The following KLF12 variants were observed in gnomAD, a reference collection of about 807,000 sequenced individuals.
The protein encoded by KLF12 is KLF transcription factor 12.
Under a neutral mutation model 37.8 loss-of-function variants are expected in KLF12, and 9 were observed. The ratio of observed to expected loss-of-function variants is 0.24; its 90% CI spans 0.14 to 0.42. The LOEUF (loss-of-function observed/expected upper bound fraction) is 0.42, where lower values mean the gene tolerates loss of function less well. Among genes scored for constraint, KLF12 ranks in the 10% least tolerant of loss-of-function variants. KLF12 has a pLI of 1.00. For missense variants in KLF12, 411 were observed against 516.0 expected (o/e 0.80, Z 1.97); for synonymous variants, 208 against 202.1 (o/e 1.03, Z -0.25).
chr13:73,928,014 C>T (rs1319012761), intron 3 of KLF12, among the ~76,000 whole-genome samples: 1 of 151,998 alleles, frequency 6.6e-6, no homozygotes, highest in Non-Finnish European at 1.5e-5. Flanking sequence ...CACACCACCA[C>T]ACCCAGCTAA....
chr13:73,900,528 T>G (rs1269819088), intron 3 of KLF12, among the ~76,000 whole-genome samples: 1 of 152,136 alleles, frequency 6.6e-6, no homozygotes, highest in Non-Finnish European at 1.5e-5. Context: ...CTCTACATAT[T>G]ATGGAATGAT....
intron 5 of KLF12, among the ~76,000 whole-genome samples, chr13:73,785,267 C>G (rs1041146873): frequency 1.3e-5 from 2 of 151,900 alleles, no homozygotes; most frequent in African/African-American, 4.8e-5. Flanking sequence ...GGTGGTGCCA[C>G]CACACCATGC....
the KLF12 span, among the ~76,000 whole-genome samples, chr13:74,238,907 A>AT: frequency 6.6e-6 from 1 of 150,580 alleles, no homozygotes; most frequent in Non-Finnish European, 1.5e-5. Context: ...GGATTCATTA[A>AT]TTTTTTGAAG....
chr13:73,736,078 A>G (rs1337041375), intron 6 of KLF12, among the ~76,000 whole-genome samples: 1 of 151,938 alleles, frequency 6.6e-6, no homozygotes, highest in Non-Finnish European at 1.5e-5. Flanking sequence ...AGTAACATGG[A>G]TCTAAGTATG....
At chr13:73,956,858 G>A (rs533610388) in intron 2 of KLF12, among the ~76,000 whole-genome samples, 2 of 151,872 alleles carry the variant, frequency 1.3e-5, no homozygotes, top group African/African-American at 2.4e-5. Flanking sequence ...CTGGGAGGTC[G>A]AGGCTATGAC....
the KLF12 span, among the ~76,000 whole-genome samples, chr13:74,276,674 T>A: frequency 6.6e-6 from 1 of 152,192 alleles, no homozygotes; most frequent in East Asian, 1.9e-4. Flanking sequence ...ATGACTTGTG[T>A]TTTTCTATAC....
intron 7 of KLF12, among the ~76,000 whole-genome samples, chr13:73,697,663 T>C (rs1027694020): frequency 2.6e-5 from 4 of 152,182 alleles, no homozygotes; most frequent in Admixed American, 1.3e-4. Context: ...CATCCATCTT[T>C]GGTACATTGA....
intron 3 of KLF12, among the ~76,000 whole-genome samples, chr13:73,853,358 C>G (rs1885435669): frequency 6.6e-6 from 1 of 152,196 alleles, no homozygotes; most frequent in South Asian, 2.1e-4. Context: ...GACTGCTACT[C>G]TGAAACTCTG....
At chr13:73,761,235 C>T (rs551945109) in intron 6 of KLF12, among the ~76,000 whole-genome samples, 1 of 152,168 alleles carries the variant, frequency 6.6e-6, no homozygotes, top group Non-Finnish European at 1.5e-5. Flanking sequence ...TTACTGTATG[C>T]AAGAAAGAGT....
intron 1 of KLF12, among the ~76,000 whole-genome samples, chr13:74,010,050 A>T (rs1220262741): frequency 1.3e-5 from 2 of 151,702 alleles, no homozygotes; most frequent in Non-Finnish European, 2.9e-5. Flanking sequence ...CCTGGGCTCA[A>T]GCAAGCCTCC....
At chr13:74,091,373 A>G (rs1018720406) in intron 1 of KLF12, among the ~76,000 whole-genome samples, 4 of 152,230 alleles carry the variant, frequency 2.6e-5, no homozygotes, top group African/African-American at 9.6e-5. Context: ...TGATCTTTTT[A>G]TAATACCTCC....
chr13:74,112,027 ACT>A, intron 1 of KLF12, among the ~76,000 whole-genome samples: 1 of 152,248 alleles, frequency 6.6e-6, no homozygotes, highest in African/African-American at 2.4e-5. Context: ...AAAATACATG[ACT>A]CTTCTGCAAA....
At chr13:74,116,130 C>A (rs2138953835) in intron 1 of KLF12, among the ~76,000 whole-genome samples, 1 of 152,294 alleles carries the variant, frequency 6.6e-6, no homozygotes, top group South Asian at 2.1e-4. Context: ...AACTTAATTT[C>A]TTCCCTTCTC....
the KLF12 span, among the ~76,000 whole-genome samples, chr13:74,271,315 G>A: frequency 1.3e-5 from 2 of 152,144 alleles, no homozygotes; most frequent in Non-Finnish European, 2.9e-5. Flanking sequence ...AAAGCTTAAG[G>A]AGAAAAAGGG....
rs1245435513 is a variant in KLF12, at chr13:73,769,875, T to C, written c.807-4875A>G. Among the ~76,000 whole-genome samples, 5 of 151,424 alleles carry C rather than the reference T, an allele frequency of 3.3e-5. No homozygotes were observed. In the South Asian group the frequency reaches 6.3e-4, roughly 19 times the overall value. On this transcript the variant is annotated intron_variant, in intron 5 of 7. Coordinates refer to ENST00000377669, the MANE Select transcript of KLF12 (RefSeq NM_007249.5). The stretch of plus-strand genomic sequence containing the variant: ...GAGAAGAATGAGAATAAATGATTAT[T>C]CCACAGACCAATGAAATCTTTCTTG...
At chr13:74,141,082 G>C in the KLF12 span, among the ~76,000 whole-genome samples, 1 of 151,896 alleles carries the variant, frequency 6.6e-6, no homozygotes, top group East Asian at 1.9e-4. Context: ...AAAAAGAAAC[G>C]AGGATTGGAA....
intron 6 of KLF12, among the ~76,000 whole-genome samples, chr13:73,745,729 T>G (rs1041175644): frequency 6.6e-6 from 1 of 152,150 alleles, no homozygotes; most frequent in Non-Finnish European, 1.5e-5. Context: ...TTGCAAAAGC[T>G]ATGCATTATT....
At chr13:73,713,940 G>A (rs981704166) in intron 7 of KLF12, among the ~76,000 whole-genome samples, 2 of 152,150 alleles carry the variant, frequency 1.3e-5, no homozygotes, top group Non-Finnish European at 2.9e-5. Flanking sequence ...CTCCTATAAA[G>A]TCAGTAATAT....
intron 3 of KLF12, among the ~76,000 whole-genome samples, chr13:73,936,987 C>G (rs961855036): frequency 6.6e-6 from 1 of 152,084 alleles, no homozygotes; most frequent in African/African-American, 2.4e-5. Context: ...GTCAGAAGAT[C>G]GAGACCATCC....
Sources: allele counts gnomAD v4.1 joint callset (sites outside exome capture counted in the v4.1 genomes callset), GRCh38; gene constraint gnomAD v4.1.1; transcripts MANE v1.5; gene names NCBI Gene and HGNC (gene_info 2026-07-23, HGNC 2026-07-21).